ADAMTSL3: variants seen among roughly 807,000 people sequenced by gnomAD.
The protein encoded by ADAMTSL3 is ADAMTS-like protein 3.
ADAMTSL3 carries 128 observed loss-of-function variants against 201.7 expected under a neutral mutation model. The observed-to-expected ratio is 0.63, with a 90% CI of 0.55 to 0.73. The LOEUF is 0.73. ADAMTSL3 is among the 30% of genes least tolerant of loss of function. ADAMTSL3 has a pLI of 0.00. For missense variants in ADAMTSL3, 1,990 were observed against 2,119.6 expected (o/e 0.94, Z 1.20); for synonymous variants, 738 against 748.4 (o/e 0.99, Z 0.23).
rs1049932516 is a variant in ADAMTSL3, at chr15:83,913,354, C to A, written c.1963C>A (p.Pro655Thr). ...TYDWEYAGFT[P>T]CTATCVGGHQ... ...CGACTGGGAGTACGCTGGGTTCACC[C>A]CTTGCACAGCAACATGCGTGGGAGG... Residue 655 changes from proline to threonine, a missense_variant, in exon 16 of 30, where the codon CCT (proline) becomes ACT (threonine). Transcript: ENST00000286744. 3 of 1,613,480 alleles carry A rather than the reference C, an allele frequency of 1.9e-6. No homozygotes were observed. The highest frequency in any genetic ancestry group is 2.5e-6 in the Non-Finnish European group (3 of 1,180,010).
chr15:83,898,487 T>C (rs2141911590), intron 14 of ADAMTSL3, among the ~76,000 whole-genome samples: 1 of 152,294 alleles, frequency 6.6e-6, no homozygotes, highest in Admixed American at 6.5e-5. Flanking sequence ...GAGGGAGGAA[T>C]GATGTCATCT....
At chr15:83,687,905 A>G (rs1166598161) in intron 2 of ADAMTSL3, among the ~76,000 whole-genome samples, 1 of 152,174 alleles carries the variant, frequency 6.6e-6, no homozygotes, top group East Asian at 1.9e-4. Context: ...TAAACTAAAA[A>G]TCAAATGAGA....
chr15:83,675,003 G>A (rs1194273405), intron 2 of ADAMTSL3, among the ~76,000 whole-genome samples: 1 of 151,664 alleles, frequency 6.6e-6, no homozygotes, highest in East Asian at 1.9e-4. Context: ...TTTTTGGAGT[G>A]ATGGTAAATG....
intron 16 of ADAMTSL3, among the ~76,000 whole-genome samples, chr15:83,915,625 A>T (rs2066021149): frequency 6.6e-6 from 1 of 152,216 alleles, no homozygotes; most frequent in Non-Finnish European, 1.5e-5. Flanking sequence ...AATCAATTTC[A>T]GAACACTTGC....
chr15:83,706,299 A>G (rs1368913291), intron 3 of ADAMTSL3, among the ~76,000 whole-genome samples: 1 of 152,178 alleles, frequency 6.6e-6, no homozygotes, highest in Non-Finnish European at 1.5e-5. Context: ...AAAGCTGGGA[A>G]AAGGGGAAAA....
chr15:84,037,531 A>T (rs1400282926), intron 29 of ADAMTSL3, among the ~76,000 whole-genome samples, 169 bp from the exon 30 acceptor site: 4 of 152,236 alleles, frequency 2.6e-5, no homozygotes, highest in Non-Finnish European at 5.9e-5. Context: ...CTGAGCTGAA[A>T]GGGAATCCAA....
rs1387368823 is a variant in ADAMTSL3, at chr15:83,931,268, ACC to A, written c.2117+7236_2117+7237del. ...TGATGTGTTTCTGTACCAGCTTGTTACCTATTTCTTGATATAAAAAACAATTC... is the reference window on the plus strand; with the variant it reads ...TGATGTGTTTCTGTACCAGCTTGTTATATTTCTTGATATAAAAAACAATTC... On this transcript the variant is annotated intron_variant, in intron 17 of 29. Transcript: ENST00000286744. Among the ~76,000 whole-genome samples the A allele has an allele frequency of 3.9e-5, 6 of 152,328 alleles. No individual in the cohort carries two copies. The East Asian group carries it at 9.6e-4, about 24-fold the overall frequency.
chr15:83,929,680 C>CCACACACACACA (rs147998074), intron 17 of ADAMTSL3, among the ~76,000 whole-genome samples: 236 of 147,542 alleles, frequency 1.6e-3, no homozygotes, highest in African/African-American at 5.8e-3. Context: ...GTCACCTCTA[C>CCACACACACACA]CACACACACA....
rs1407866011 is a variant in ADAMTSL3, at chr15:84,019,846, T to A, written c.4274-1564T>A. ...AGGCAGAGGCAGCACTGAGCTGAGA[T>A]CATGCCACCACACTCCAGCCTGGGT... On this transcript the variant is annotated intron_variant, in intron 25 of 29. Coordinates refer to ENST00000286744, the MANE Select transcript of ADAMTSL3 (RefSeq NM_207517.3). 3.6e-5 allele frequency among the ~76,000 whole-genome samples: 5 copies of A among 137,120 alleles called. No individual in the cohort carries two copies. The Middle Eastern group carries it at 0.023, about 623-fold the overall frequency. The allele number at this position is 137,120 out of a possible 152,430, so 90.0% of individuals were successfully genotyped here.
intron 16 of ADAMTSL3, among the ~76,000 whole-genome samples, chr15:83,914,927 C>A (rs1461705642): frequency 6.6e-6 from 1 of 152,032 alleles, no homozygotes; most frequent in Non-Finnish European, 1.5e-5. Context: ...CTCTAACATG[C>A]CCTTGGCAAT....
chr15:83,664,851 G>A (rs2061227082), intron 2 of ADAMTSL3, among the ~76,000 whole-genome samples: 1 of 152,182 alleles, frequency 6.6e-6, no homozygotes, highest in Admixed American at 6.5e-5. Flanking sequence ...TATGATAGCT[G>A]TGCTTGTAGT....
chr15:83,985,398 A>C (rs570689165), intron 21 of ADAMTSL3, among the ~76,000 whole-genome samples: 11 of 152,096 alleles, frequency 7.2e-5, no homozygotes, highest in Non-Finnish European at 1.0e-4. Flanking sequence ...ATATATATAT[A>C]TCTACCAAAT....
chr15:83,891,146 A>T, intron 11 of ADAMTSL3, 183 bp from the exon 12 acceptor site: 1 of 537,792 alleles, frequency 1.9e-6, no homozygotes. Context: ...TTTGTGTCGT[A>T]GATATTCTTG....
intron 17 of ADAMTSL3, among the ~76,000 whole-genome samples, chr15:83,927,085 G>C (rs1049567134): frequency 6.6e-6 from 1 of 151,542 alleles, no homozygotes; most frequent in Non-Finnish European, 1.5e-5. Flanking sequence ...AGTTTTAAGA[G>C]TTCTACAATC....
intron 3 of ADAMTSL3, among the ~76,000 whole-genome samples, chr15:83,735,838 C>T (rs1047569568): frequency 6.6e-6 from 1 of 151,986 alleles, no homozygotes; most frequent in Non-Finnish European, 1.5e-5. Context: ...TAAGGAGTTT[C>T]TGGCTAGAAA....
At chr15:84,037,378 A>G (rs1238854194) in intron 29 of ADAMTSL3, among the ~76,000 whole-genome samples, 2 of 152,128 alleles carry the variant, frequency 1.3e-5, no homozygotes, top group African/African-American at 2.4e-5. Flanking sequence ...TTATTTTTCT[A>G]GGGAGTAGGT....
chr15:83,664,692 G>A (rs914329848), intron 2 of ADAMTSL3, among the ~76,000 whole-genome samples: 29 of 152,222 alleles, frequency 1.9e-4, no homozygotes, highest in Admixed American at 9.8e-4. Context: ...AACAAAGATA[G>A]TCTGTGTTTG....
chr15:83,812,725 G>T (rs1276791443), intron 5 of ADAMTSL3, among the ~76,000 whole-genome samples: 2 of 152,154 alleles, frequency 1.3e-5, no homozygotes, highest in Non-Finnish European at 2.9e-5. Context: ...AAGACCATGG[G>T]TTGTTGTCTA....
Position 84,037,812 on chromosome 15 carries a change from T to G in ADAMTSL3, c.*6T>G. The G allele has an allele frequency of 6.2e-7, 1 of 1,609,906 alleles. No homozygotes were observed. Among genetic ancestry groups the G allele is most frequent in the Non-Finnish European group, 8.5e-7 (1 of 1,179,096 alleles). On this transcript the variant is annotated 3_prime_UTR_variant, in exon 30 of 30. Coordinates refer to ENST00000286744, the MANE Select transcript of ADAMTSL3 (RefSeq NM_207517.3). ...AGTCATGTCAAGAGGGATAAACCTT[T>G]GGAGGGGTCATGATGCTGCTGTGAA...
Sources: gnomAD v4.1 joint callset for allele counts (sites outside exome capture counted in the v4.1 genomes callset) on GRCh38, gnomAD v4.1.1 for gene constraint, MANE v1.5 for transcripts, NCBI Gene and HGNC (gene_info 2026-07-23, HGNC 2026-07-21) for gene names.